Variants in COL4A5 observed in about 807,000 individuals in gnomAD.
COL4A5 encodes collagen alpha-5(IV) chain.
COL4A5 carries 26 observed loss-of-function variants against 130.2 expected under a neutral mutation model. The ratio of observed to expected loss-of-function variants is 0.20; its 90% confidence interval spans 0.15 to 0.28. The LOEUF (loss-of-function observed/expected upper bound fraction) is 0.28, where lower values mean the gene tolerates loss of function less well. Among genes scored for constraint, COL4A5 ranks in the 10% least tolerant of loss-of-function variants. The pLI, the probability that COL4A5 is intolerant of heterozygous loss-of-function variation, is 1.00. For synonymous variants in COL4A5, 496 were observed against 439.6 expected (o/e 1.13, Z -1.60); for missense variants, 1,131 against 1,344.3 (o/e 0.84, Z 2.48).
At chrX:108,459,293 G>A (rs1439923230) in intron 1 of COL4A5, among the ~76,000 whole-genome samples, 2 of 110,822 alleles carry the variant, frequency 1.8e-5, no homozygotes, top group African/African-American at 3.3e-5. Flanking sequence ...TTTCTTTCTA[G>A]TCTTCACACT....
intron 41 of COL4A5, chrX:108,669,975 A>G (rs1603311426): frequency 2.8e-6 from 1 of 359,788 alleles, no homozygotes; most frequent in South Asian, 5.1e-5. Context: ...TATGATAGCA[A>G]TGACTTTTGG....
At chrX:108,461,062 G>A (rs1419782091) in intron 1 of COL4A5, among the ~76,000 whole-genome samples, 2 of 110,047 alleles carry the variant, frequency 1.8e-5, no homozygotes, top group African/African-American at 6.6e-5. Flanking sequence ...CTATATAATG[G>A]GAAAAAAAAG....
rs189480034 is a variant in COL4A5 at position 108,676,216 on chromosome X, A to C, written c.3809-1284A>C. On this transcript the variant is annotated intron_variant, in intron 43 of 52. Coordinates refer to ENST00000328300, the MANE Select transcript of COL4A5 (RefSeq NM_033380.3). Reference sequence around the variant, plus strand: ...ACAAGTGCCTATTATAGTTCCTCAAAAAATAATCCCTACATATCTTCATTT... The same window carrying C: ...ACAAGTGCCTATTATAGTTCCTCAACAAATAATCCCTACATATCTTCATTT... 8.6e-3 allele frequency among the ~76,000 whole-genome samples: 965 copies of C among 112,656 alleles called. 8 individuals are homozygous for C. The highest frequency in any genetic ancestry group is 0.051 in the South Asian group (138 of 2,726).
At chrX:108,615,075 G>A in intron 30 of COL4A5, 51 bp downstream of exon 30, 1 of 874,228 alleles carries the variant, frequency 1.1e-6, no homozygotes, top group Non-Finnish European at 1.7e-6. Flanking sequence ...ATATACATTT[G>A]TTAGCTCATC....
chrX:108,629,912 G>A (rs911705924), intron 36 of COL4A5, among the ~76,000 whole-genome samples: 5 of 110,629 alleles, frequency 4.5e-5, no homozygotes, highest in Non-Finnish European at 9.5e-5. Context: ...TGCGGTGTTC[G>A]GTTTTCTCTC....
intron 2 of COL4A5, among the ~76,000 whole-genome samples, chrX:108,541,748 A>G (rs1018900102): frequency 2.7e-5 from 3 of 112,619 alleles, no homozygotes; most frequent in Non-Finnish European, 5.6e-5. Context: ...GTCTGCAATA[A>G]CTGAGCATAG....
chrX:108,540,249 G>T (rs1222997147), intron 2 of COL4A5, among the ~76,000 whole-genome samples: 1 of 110,424 alleles, frequency 9.1e-6, no homozygotes, highest in East Asian at 2.9e-4. Context: ...TTTAATATCT[G>T]CATTTGGCCT....
chrX:108,485,327 C>T (rs890770642), intron 1 of COL4A5, among the ~76,000 whole-genome samples: 9 of 111,658 alleles, frequency 8.1e-5, no homozygotes, highest in South Asian at 7.5e-4. Context: ...AAGTGCAAGC[C>T]GAAGTCCCCT....
chrX:108,493,729 C>A (rs1283530204), intron 1 of COL4A5, among the ~76,000 whole-genome samples: 1 of 108,325 alleles, frequency 9.2e-6, no homozygotes, highest in Non-Finnish European at 1.9e-5. Flanking sequence ...TACCATATTT[C>A]TCTTGAGGGA....
rs112564124 is a variant in COL4A5, at chrX:108,578,360, G to A, written c.757G>A (p.Val253Ile). Reference sequence around the variant, plus strand: ...CAGTGAACAGAAAAGACCAATTGATGTAGAGTTTCAGAAAGGAGATCAGGT... The same window carrying A: ...CAGTGAACAGAAAAGACCAATTGATATAGAGTTTCAGAAAGGAGATCAGGT... ...QISEQKRPIDVEFQKGDQGLP... is the reference protein window; with the variant it reads ...QISEQKRPIDIEFQKGDQGLP... The change falls in exon 13 of 53, where the codon GTA becomes ATA. Residue 253 changes from valine (V) to isoleucine (I), a missense_variant. Transcript: ENST00000328300. 33 of 1,206,345 alleles carry A rather than the reference G, an allele frequency of 2.7e-5. No individual in the cohort carries two copies. Among genetic ancestry groups the A allele is most frequent in the African/African-American group, 1.4e-4 (8 of 57,205 alleles).
At chrX:108,469,543 T>G (rs1342968555) in intron 1 of COL4A5, among the ~76,000 whole-genome samples, 1 of 111,706 alleles carries the variant, frequency 9.0e-6, no homozygotes, top group Non-Finnish European at 1.9e-5. Context: ...CTCCCTTTAT[T>G]TTTTAGTTTA....
chrX:108,586,058 T>C (rs2066330530), intron 18 of COL4A5, among the ~76,000 whole-genome samples: 1 of 111,708 alleles, frequency 9.0e-6, no homozygotes, highest in South Asian at 3.7e-4. Context: ...GGAGATTAAA[T>C]AGGTGAGAGA....
rs104886102 is a variant in COL4A5 at position 108,591,127 on chromosome X, G to A, written c.1235G>A (p.Gly412Glu). 8.3e-7 allele frequency: 1 copy of A among 1,209,350 alleles called. No homozygotes were observed. Among genetic ancestry groups the A allele is most frequent in the Non-Finnish European group, 1.1e-6 (1 of 894,492 alleles). Residue 412 changes from glycine (G) to glutamate (E), a missense_variant, in exon 20 of 53, where the codon GGA becomes GAA. By Grantham distance (98) the Gly-to-Glu change is moderately conservative. Transcript: ENST00000328300. The stretch of plus-strand genomic sequence containing the variant: ...GAAAGGGGTCAGAAAGGTGATGAAG[G>A]ACCACCTGGAATTTCCATTCCTGGA... ...PGERGQKGDE[G>E]PPGISIPGPP...
chrX:108,445,443 T>C (rs1011062050), intron 1 of COL4A5, among the ~76,000 whole-genome samples: 1 of 112,148 alleles, frequency 8.9e-6, no homozygotes, highest in African/African-American at 3.2e-5. Context: ...TTTCTATTCA[T>C]GGAGGTGTAC....
At chrX:108,508,211 C>T (rs12116338) in intron 1 of COL4A5, among the ~76,000 whole-genome samples, 11,425 of 110,352 alleles carry the variant, frequency 0.1, 1,294 homozygotes, top group African/African-American at 0.33. Flanking sequence ...AAAATCAATG[C>T]AGAAAATCAC....
At chrX:108,557,371 A>G (rs1242274524) in intron 2 of COL4A5, among the ~76,000 whole-genome samples, 1 of 111,816 alleles carries the variant, frequency 8.9e-6, no homozygotes, top group Non-Finnish European at 1.9e-5. Flanking sequence ...ATACTAAATT[A>G]TCATAATTTA....
chrX:108,677,438 C>A, intron 43 of COL4A5, 62 bp from the exon 44 acceptor site: 1 of 1,109,280 alleles, frequency 9.0e-7, no homozygotes. Flanking sequence ...TTTTAAAAGC[C>A]TGACTTTTAT....
At chrX:108,519,286 G>A (rs1224557336) in intron 1 of COL4A5, among the ~76,000 whole-genome samples, 1 of 111,018 alleles carries the variant, frequency 9.0e-6, no homozygotes, top group South Asian at 3.8e-4. Flanking sequence ...AATGTTAAAG[G>A]AATATCTTCT....
intron 1 of COL4A5, among the ~76,000 whole-genome samples, chrX:108,442,036 C>T (rs891581360): frequency 9.9e-5 from 11 of 111,643 alleles, no homozygotes; most frequent in African/African-American, 3.6e-4. Flanking sequence ...CATTTTATAT[C>T]CCCTTTTCCT....
Sources: gnomAD v4.1 joint callset for allele counts (sites outside exome capture counted in the v4.1 genomes callset) on GRCh38, gnomAD v4.1.1 for gene constraint, MANE v1.5 for transcripts, NCBI Gene and HGNC (gene_info 2026-07-23, HGNC 2026-07-21) for gene names.